Variants in C1QTNF1 observed in about 807,000 individuals in gnomAD.
The protein encoded by C1QTNF1 is complement C1q tumor necrosis factor-related protein 1.
Under a neutral mutation model 27.8 loss-of-function variants are expected in C1QTNF1, and 22 were observed. The observed-to-expected ratio is 0.79, with a 90% CI of 0.56 to 1.13. C1QTNF1 has a LOEUF of 1.13. C1QTNF1 is among the 50% of genes most tolerant of loss of function. The probability of loss-of-function intolerance (pLI) is 0.00; values close to 1 mark genes in which losing one functional copy is unlikely to be tolerated. For synonymous variants in C1QTNF1, 166 were observed against 154.3 expected (o/e 1.08, Z -0.56); for missense variants, 373 against 380.2 (o/e 0.98, Z 0.16).
chr17:79,035,270 C>T (rs74576629), intron 1 of C1QTNF1, among the ~76,000 whole-genome samples: 3,562 of 152,116 alleles, frequency 0.023, 120 homozygotes, highest in African/African-American at 0.081. Context: ...TTCTACCAGA[C>T]GTCAGAGCCG....
chr17:79,025,903 C>CCAT (rs748650621), intron 1 of C1QTNF1: 8 of 431,678 alleles, frequency 1.9e-5, no homozygotes, highest in African/African-American at 6.1e-5. Context: ...ATCATCATCA[C>CCAT]CATCATCATC....
rs78051731 is a variant in C1QTNF1, at chr17:79,047,519, G to A, written c.296-19G>A. On this transcript the variant is annotated intron_variant, in intron 3 of 3. Transcript: ENST00000579760. ...CCGGATTGCTCCATTAACAGCACGCGTTTTCCCATCCCTTTTAGGGGAGAA... is the reference window on the plus strand; with the variant it reads ...CCGGATTGCTCCATTAACAGCACGCATTTTCCCATCCCTTTTAGGGGAGAA... 4.6e-4 allele frequency: 705 copies of A among 1,518,294 alleles called. 8 individuals carry two copies. The East Asian group carries it at 0.015, about 32-fold the overall frequency. The allele number at this position is 1,518,294 out of a possible 1,614,324, so 94.1% of individuals were successfully genotyped here.
At chr17:79,026,670 C>G (rs1295978625) in intron 1 of C1QTNF1, among the ~76,000 whole-genome samples, 1 of 152,184 alleles carries the variant, frequency 6.6e-6, no homozygotes, top group African/African-American at 2.4e-5. Flanking sequence ...TGAGCTCATT[C>G]AGGGAGGCAG....
intron 1 of C1QTNF1, among the ~76,000 whole-genome samples, chr17:79,042,407 G>A (rs1467876337): frequency 6.6e-6 from 1 of 152,186 alleles, no homozygotes; most frequent in Non-Finnish European, 1.5e-5. Context: ...ACTGGATGGA[G>A]GGGGTCCTGC....
At chr17:79,038,171 G>A (rs891379341) in intron 1 of C1QTNF1, among the ~76,000 whole-genome samples, 1 of 151,902 alleles carries the variant, frequency 6.6e-6, no homozygotes, top group Non-Finnish European at 1.5e-5. Flanking sequence ...TGTATTTTTA[G>A]TAGAGATGGG....
At chr17:79,043,928 C>T (rs755136210) in intron 1 of C1QTNF1, 27 bp from the exon 2 acceptor site, 3 of 1,612,454 alleles carry the variant, frequency 1.9e-6, no homozygotes, top group South Asian at 2.2e-5. Flanking sequence ...AACTCGGTGC[C>T]TTCCCTGTGT....
intron 3 of C1QTNF1, chr17:79,047,272 GAA>G: frequency 2.7e-6 from 1 of 369,952 alleles, no homozygotes; most frequent in East Asian, 3.9e-5. Context: ...TTTCCAGAAG[GAA>G]AAAAAAATTA....
intron 1 of C1QTNF1, among the ~76,000 whole-genome samples, chr17:79,040,502 C>T (rs2072375779): frequency 6.6e-6 from 1 of 151,970 alleles, no homozygotes; most frequent in Non-Finnish European, 1.5e-5. Flanking sequence ...TTCAGGAAGA[C>T]TATGAGACCT....
At chr17:79,023,251 GA>G (rs1208243505), upstream of C1QTNF1, among the ~76,000 whole-genome samples, 21 of 152,228 alleles carry the variant, frequency 1.4e-4, no homozygotes, top group East Asian at 5.8e-4. Flanking sequence ...GCAGAGGGGG[GA>G]AAAAAGAAGC....
intron 1 of C1QTNF1, 56 bp downstream of exon 1, chr17:79,024,550 G>A (rs2071871760): frequency 6.6e-6 from 1 of 152,270 alleles, no homozygotes; most frequent in Non-Finnish European, 1.5e-5. Flanking sequence ...CGTGGCTTCA[G>A]CCTGGTGGCC....
intron 1 of C1QTNF1, among the ~76,000 whole-genome samples, chr17:79,029,948 A>G (rs1364546410): frequency 3.3e-5 from 5 of 152,200 alleles, no homozygotes; most frequent in Non-Finnish European, 7.3e-5. Flanking sequence ...TAGACACTCA[A>G]TAAACACCTG....
chr17:79,041,454 C>T (rs2145917617), intron 1 of C1QTNF1, among the ~76,000 whole-genome samples: 1 of 152,294 alleles, frequency 6.6e-6, no homozygotes, highest in East Asian at 1.9e-4. Flanking sequence ...GGCGTGAGGG[C>T]TCTGCGGGGA....
intron 2 of C1QTNF1, 109 bp downstream of exon 2, chr17:79,044,232 A>C: frequency 6.4e-6 from 8 of 1,251,084 alleles, no homozygotes; most frequent in Non-Finnish European, 8.6e-6. Flanking sequence ...GAAGGCAAGA[A>C]AGCTGAAGCT....
upstream of C1QTNF1, among the ~76,000 whole-genome samples, chr17:79,023,368 G>A (rs2071825564): frequency 6.6e-6 from 1 of 152,208 alleles, no homozygotes. Flanking sequence ...CTGGGCTGAC[G>A]CAGAGTCTAG....
At chr17:79,030,463 C>CTT (rs759044911) in intron 1 of C1QTNF1, among the ~76,000 whole-genome samples, 5 of 118,852 alleles carry the variant, frequency 4.2e-5, no homozygotes, top group African/African-American at 1.6e-4. Context: ...TCTTTCTTTT[C>CTT]TTTCTTTCTT....
In C1QTNF1 at chr17:79,046,968, A is replaced by G. The variant is rs985021593; in HGVS notation, c.295+274A>G. On this transcript the variant is annotated intron_variant, in intron 3 of 3. Coordinates refer to ENST00000579760, the MANE Select transcript of C1QTNF1 (RefSeq NM_030968.5). The surrounding 1 kb of genome is among the most constrained non-coding windows in gnomAD (Gnocchi z 4.8). ...AGGCTACTCGGGGTCTCGTCCCTCC[A>G]GTTGTATGTGGACGCCAGGCTTCTA... 7 of 473,760 alleles carry G rather than the reference A, an allele frequency of 1.5e-5. No individual in the cohort carries two copies. Among genetic ancestry groups the G allele is most frequent in the Admixed American group, 3.6e-5 (1 of 27,910 alleles). The allele number at this position is 473,760 out of a possible 1,614,324, so 29.3% of individuals were successfully genotyped here.
upstream of C1QTNF1, among the ~76,000 whole-genome samples, chr17:79,023,704 G>GCGCACACACACACACACACA (rs1267428917): frequency 1.4e-5 from 2 of 144,936 alleles, no homozygotes; most frequent in African/African-American, 5.2e-5. Context: ...GCGCGCGCGC[G>GCGCACACACACACACACACA]CACACACACA....
rs2145931509 is a variant in C1QTNF1 at position 79,046,410 on chromosome 17, C to A, written c.156-145C>A. On this transcript the variant is annotated intron_variant, in intron 2 of 3. Coordinates refer to ENST00000579760, the MANE Select transcript of C1QTNF1 (RefSeq NM_030968.5). This position sits in a 1 kb window ranked among gnomAD's most constrained non-coding sequence, Gnocchi z 4.8. Reference sequence around the variant, plus strand: ...AGGATCCCAGAGTGGGCCGTGAGCCCACCAGCGTGAACACAGAGCCTTGTG... The same window carrying A: ...AGGATCCCAGAGTGGGCCGTGAGCCAACCAGCGTGAACACAGAGCCTTGTG... The A allele has an allele frequency of 8.8e-7, 1 of 1,142,774 alleles. No individual in the cohort carries two copies. The highest frequency in any genetic ancestry group is 1.3e-6 in the Non-Finnish European group (1 of 795,740). 70.8% of individuals were successfully genotyped at this position (1,142,774 alleles called of 1,614,324 possible).
intron 2 of C1QTNF1, among the ~76,000 whole-genome samples, chr17:79,044,786 C>T (rs918313896): frequency 6.6e-6 from 1 of 152,190 alleles, no homozygotes; most frequent in Non-Finnish European, 1.5e-5. Context: ...ACAGCTCAAG[C>T]CTGGCTTGGA....
Sources: allele counts gnomAD v4.1 joint callset (sites outside exome capture counted in the v4.1 genomes callset), GRCh38; gene constraint gnomAD v4.1.1; non-coding constraint Gnocchi (gnomAD v3.1); transcripts MANE v1.5; gene names NCBI Gene and HGNC (gene_info 2026-07-23, HGNC 2026-07-21).